ROBO2: variants seen among roughly 807,000 people sequenced by gnomAD.
ROBO2 encodes the protein roundabout homolog 2.
A neutral mutation model predicts 160.8 loss-of-function variants in ROBO2; 53 were observed. The observed-to-expected ratio is 0.33, with a 90% CI of 0.26 to 0.41. The LOEUF is 0.41. ROBO2 is among the 10% of genes least tolerant of loss of function. The probability of loss-of-function intolerance (pLI) is 1.00; values close to 1 mark genes in which losing one functional copy is unlikely to be tolerated. For synonymous variants in ROBO2, 664 were observed against 611.7 expected (o/e 1.09, Z -1.26); for missense variants, 1,577 against 1,722.4 (o/e 0.92, Z 1.49).
intron 2 of ROBO2, among the ~76,000 whole-genome samples, chr3:76,762,290 C>T (rs2061348672): frequency 6.6e-6 from 1 of 151,380 alleles, no homozygotes; most frequent in Non-Finnish European, 1.5e-5. Context: ...TATTATACGA[C>T]TTAAAAATAA....
At chr3:77,011,885 C>T (rs1230501211) in intron 2 of ROBO2, among the ~76,000 whole-genome samples, 1 of 151,914 alleles carries the variant, frequency 6.6e-6, no homozygotes, top group East Asian at 1.9e-4. Context: ...GAATTCATTC[C>T]TCACTTGGTG....
chr3:75,922,261 T>C (rs1435629069), intron 1 of ROBO2, among the ~76,000 whole-genome samples: 2 of 152,110 alleles, frequency 1.3e-5, no homozygotes, highest in Non-Finnish European at 2.9e-5. Flanking sequence ...AGAGTGGATG[T>C]CAAATACACT....
chr3:76,987,500 A>T (rs1286197088), intron 2 of ROBO2, among the ~76,000 whole-genome samples: 1 of 152,198 alleles, frequency 6.6e-6, no homozygotes, highest in East Asian at 1.9e-4. Flanking sequence ...TTTTGGGAAC[A>T]GTAGTCACAA....
At chr3:77,527,260 G>T in intron 6 of ROBO2, 143 bp from the exon 7 acceptor site, 2 of 405,454 alleles carry the variant, frequency 4.9e-6, no homozygotes, top group Non-Finnish European at 8.4e-6. Context: ...CAGACATCTT[G>T]GTCATACTTG....
chr3:76,288,687 G>A (rs1179098865), intron 2 of ROBO2, among the ~76,000 whole-genome samples: 1 of 151,994 alleles, frequency 6.6e-6, no homozygotes, highest in Non-Finnish European at 1.5e-5. Context: ...TCCCGTGTTT[G>A]TGTCCATGTG....
At chr3:76,901,878 T>C (rs1435892227) in intron 2 of ROBO2, among the ~76,000 whole-genome samples, 1 of 152,050 alleles carries the variant, frequency 6.6e-6, no homozygotes, top group Non-Finnish European at 1.5e-5. Context: ...GGTTCAATCC[T>C]AACTTTTTTC....
At chr3:76,602,291 G>A (rs965960065) in intron 2 of ROBO2, among the ~76,000 whole-genome samples, 1 of 152,062 alleles carries the variant, frequency 6.6e-6, no homozygotes, top group Non-Finnish European at 1.5e-5. Context: ...CCTCCAAACT[G>A]TTCCAACCTC....
chr3:77,299,157 A>T (rs2062425653), intron 2 of ROBO2, among the ~76,000 whole-genome samples: 3 of 152,210 alleles, frequency 2.0e-5, no homozygotes, highest in Admixed American at 2.0e-4. Context: ...GATGTGAAAC[A>T]TTTTTTAAAA....
rs2059645477 is a variant in ROBO2, at chr3:77,273,679, C to A, written c.388+175339C>A. Among the ~76,000 whole-genome samples the A allele has an allele frequency of 5.9e-5, 9 of 152,066 alleles. No homozygotes were observed. The South Asian group carries it at 1.9e-3, about 31-fold the overall frequency. The stretch of plus-strand genomic sequence containing the variant: ...AAACATTATGCTAAATAAAAGAAGA[C>A]AGACTCAAATGACTATATGCTTAAT... On this transcript the variant is annotated intron_variant, in intron 2 of 25. Coordinates refer to ENST00000461745, the Ensembl canonical transcript of ROBO2.
At chr3:76,908,589 A>G (rs1190639831) in intron 2 of ROBO2, among the ~76,000 whole-genome samples, 4 of 152,204 alleles carry the variant, frequency 2.6e-5, no homozygotes, top group Non-Finnish European at 5.9e-5. Flanking sequence ...CTTTGCATCA[A>G]GCAATTTACT....
chr3:77,350,214 G>A (rs1202107913), intron 2 of ROBO2, among the ~76,000 whole-genome samples: 2 of 151,694 alleles, frequency 1.3e-5, no homozygotes, highest in South Asian at 2.1e-4. Context: ...TTCAAGACCA[G>A]CCTGGGCAAC....
intron 2 of ROBO2, among the ~76,000 whole-genome samples, chr3:76,796,796 A>C (rs1431647702): frequency 6.6e-6 from 1 of 152,134 alleles, no homozygotes; most frequent in Non-Finnish European, 1.5e-5. Flanking sequence ...GAGCAGGTAT[A>C]TCTACATTTG....
intron 2 of ROBO2, among the ~76,000 whole-genome samples, chr3:76,308,854 A>G (rs1474791336): frequency 2.0e-5 from 3 of 152,248 alleles, no homozygotes; most frequent in African/African-American, 7.2e-5. Flanking sequence ...TGAAAAGGAA[A>G]GAAACCTTGG....
chr3:77,098,254 GTAA>G (rs757396733), exon 2 of ROBO2: 1 of 1,614,216 alleles, frequency 6.2e-7, no homozygotes, highest in Non-Finnish European at 8.5e-7. Flanking sequence ...GGGCGCAGGA[GTAA>G]ACCTGATGAA....
chr3:76,355,312 T>C (rs982391120), intron 2 of ROBO2, among the ~76,000 whole-genome samples: 3 of 151,786 alleles, frequency 2.0e-5, no homozygotes, highest in African/African-American at 7.2e-5. Context: ...TAACAGTGCC[T>C]GACAATAGCT....
At chr3:76,889,236 G>C (rs2074154395) in intron 2 of ROBO2, among the ~76,000 whole-genome samples, 1 of 152,116 alleles carries the variant, frequency 6.6e-6, no homozygotes, top group Non-Finnish European at 1.5e-5. Flanking sequence ...AGGCACAAAA[G>C]CTGATTTTTA....
At chr3:75,974,214 A>C (rs910887137) in intron 2 of ROBO2, among the ~76,000 whole-genome samples, 6 of 151,634 alleles carry the variant, frequency 4.0e-5, no homozygotes, top group African/African-American at 1.5e-4. Context: ...ATATATGAAA[A>C]CATTTAAACA....
chr3:76,763,925 C>CAGAT (rs1474903838), intron 2 of ROBO2, among the ~76,000 whole-genome samples: 4 of 151,780 alleles, frequency 2.6e-5, no homozygotes, highest in African/African-American at 9.7e-5. Flanking sequence ...TTATTTTTGA[C>CAGAT]AGACCTTCTT....
intron 5 of ROBO2, among the ~76,000 whole-genome samples, chr3:77,506,753 A>T (rs1214525575): frequency 6.6e-6 from 1 of 152,178 alleles, no homozygotes; most frequent in African/African-American, 2.4e-5. Context: ...GGCATTGCTC[A>T]AGTAGTTATT....
Sources: gnomAD v4.1 joint callset for allele counts (sites outside exome capture counted in the v4.1 genomes callset) on GRCh38, gnomAD v4.1.1 for gene constraint, MANE v1.5 for transcripts, NCBI Gene and HGNC (gene_info 2026-07-23, HGNC 2026-07-21) for gene names.